Variants in SGCE observed in about 807,000 individuals in gnomAD.
SGCE encodes the protein epsilon-sarcoglycan.
In SGCE, 26 loss-of-function variants were observed where a neutral mutation model predicts 57.8. The observed-to-expected ratio is 0.45, with a 90% CI of 0.33 to 0.62. SGCE has a LOEUF of 0.62. Ranked by LOEUF, SGCE falls within the 20% of genes least tolerant of loss-of-function variation. The probability of loss-of-function intolerance (pLI) is 0.02; values close to 1 mark genes in which losing one functional copy is unlikely to be tolerated. For missense variants in SGCE, 468 were observed against 548.6 expected (o/e 0.85, Z 1.47); for synonymous variants, 183 against 189.5 (o/e 0.97, Z 0.28).
At chr7:94,594,461 T>C (rs1584500900) in intron 9 of SGCE, 1 of 151,992 alleles carries the variant, frequency 6.6e-6, no homozygotes, top group Non-Finnish European at 1.5e-5. Context: ...ACTGTCGAGG[T>C]CATGGGACAC....
intron 6 of SGCE, among the ~76,000 whole-genome samples, chr7:94,601,827 T>A (rs970629424): frequency 6.6e-6 from 1 of 152,144 alleles, no homozygotes; most frequent in Admixed American, 6.6e-5. Context: ...CAACACAGCC[T>A]TGTGCTTATT....
At position 94,598,855 on chromosome 7, in the gene SGCE, G is replaced by T; in HGVS notation, c.1173C>A (p.His391Gln). ...AWPLSTLPVF[H>Q]PVTGEIIPPL... is the part of the protein sequence containing the mutation. Reference sequence around the variant, plus strand: ...GAGGTATGATTTCCCCAGTCACAGGGTGGAACACAGGAAGCGTTGACAGGG... The same window carrying T: ...GAGGTATGATTTCCCCAGTCACAGGTTGGAACACAGGAAGCGTTGACAGGG... Residue 391 changes from histidine (H) to glutamine (Q), a missense_variant, in exon 9 of 11, where the codon CAC becomes CAA. Physicochemically the swap from His to Gln is conservative, Grantham distance 24. Transcript: ENST00000648936. 1 of 1,612,250 alleles carries T rather than the reference G, an allele frequency of 6.2e-7. No homozygotes were observed. Among genetic ancestry groups the T allele is most frequent in the Non-Finnish European group, 8.5e-7 (1 of 1,178,276 alleles).
chr7:94,638,120 A>G (rs975627537), intron 1 of SGCE, among the ~76,000 whole-genome samples: 1 of 152,190 alleles, frequency 6.6e-6, no homozygotes, highest in African/African-American at 2.4e-5. Context: ...GAAAAGAACT[A>G]TGAGATCATG....
At chr7:94,588,839 C>A in intron 9 of SGCE, 107 bp from the exon 10 acceptor site, 1 of 1,230,768 alleles carries the variant, frequency 8.1e-7, no homozygotes, top group South Asian at 1.2e-5. Flanking sequence ...TGACCCCAGT[C>A]ATGTAATCCA....
At chr7:94,638,639 C>CA (rs5885874) in intron 1 of SGCE, among the ~76,000 whole-genome samples, 4,599 of 115,080 alleles carry the variant, frequency 0.04, 101 homozygotes, top group African/African-American at 0.057. Flanking sequence ...ATCATAAAGC[C>CA]AAAAAAAAAA....
In SGCE at chr7:94,600,648, G is replaced by A. The variant is rs1258484610; in HGVS notation, c.1035C>T (p.Gly345=). ...CTTATTAGTTTTAAAGTACTCACAC[G>A]CCTTCCCGTCGGCAGCACATGATAT... is the stretch of plus-strand genomic sequence containing the variant. ...LAYIMCCRRE[G]VEKRNMQTPD... is the part of the protein sequence containing the mutation. Residue 345 remains glycine, a splice_region_variant and synonymous_variant, in exon 7 of 11, where the codon GGC becomes GGT. Coordinates refer to ENST00000648936, the MANE Select transcript of SGCE (RefSeq NM_003919.3). The A allele has an allele frequency of 6.2e-7, 1 of 1,609,292 alleles. No homozygotes were observed. The highest frequency in any genetic ancestry group is 8.5e-7 in the Non-Finnish European group (1 of 1,175,968).
intron 9 of SGCE, among the ~76,000 whole-genome samples, chr7:94,595,820 G>C (rs1798314345): frequency 6.6e-6 from 1 of 151,950 alleles, no homozygotes; most frequent in South Asian, 2.1e-4. Flanking sequence ...TGGCTTATAG[G>C]GAGTTACCAT....
intron 10 of SGCE, among the ~76,000 whole-genome samples, chr7:94,586,075 A>C (rs1013171329): frequency 7.3e-5 from 11 of 150,232 alleles, no homozygotes; most frequent in South Asian, 2.1e-4. Context: ...AAAAAAAAAA[A>C]AAAAAAAAAA....
chr7:94,653,808 ATTC>A (rs1394022536), intron 1 of SGCE, among the ~76,000 whole-genome samples: 2 of 151,966 alleles, frequency 1.3e-5, no homozygotes, highest in Middle Eastern at 3.2e-3. Flanking sequence ...ATGGGAGAAA[ATTC>A]TTCTCAGTTT....
intron 3 of SGCE, chr7:94,627,584 G>T (rs1405304912): frequency 6.6e-6 from 1 of 152,380 alleles, no homozygotes; most frequent in Non-Finnish European, 1.5e-5. Flanking sequence ...ATACCTCTAA[G>T]ATTTTGATGT....
At chr7:94,598,657 G>A in intron 9 of SGCE, 118 bp downstream of exon 9, 1 of 804,662 alleles carries the variant, frequency 1.2e-6, no homozygotes, top group East Asian at 2.5e-5. Context: ...ATGTCCTTTT[G>A]TTATTTTCTC....
At chr7:94,624,188 TG>T in intron 3 of SGCE, 3 of 395,724 alleles carry the variant, frequency 7.6e-6, no homozygotes, top group Non-Finnish European at 1.3e-5. Flanking sequence ...AACAAATGAT[TG>T]TGTCAAAATC....
intron 5 of SGCE, among the ~76,000 whole-genome samples, chr7:94,612,595 A>G (rs1801209749): frequency 6.6e-6 from 1 of 152,198 alleles, no homozygotes; most frequent in Non-Finnish European, 1.5e-5. Flanking sequence ...GAAGTTATAA[A>G]TAATATTACA....
At chr7:94,594,047 C>G (rs1392988800) in intron 9 of SGCE, among the ~76,000 whole-genome samples, 6 of 152,058 alleles carry the variant, frequency 3.9e-5, no homozygotes, top group African/African-American at 1.4e-4. Flanking sequence ...GGTTTGGGAA[C>G]AAGGCTAGAC....
intron 1 of SGCE, among the ~76,000 whole-genome samples, chr7:94,643,082 T>C (rs551025816): frequency 6.6e-6 from 1 of 152,242 alleles, no homozygotes; most frequent in Non-Finnish European, 1.5e-5. Flanking sequence ...CCTTCCTTTA[T>C]TCTAGCTCAG....
intron 1 of SGCE, chr7:94,644,738 T>C: frequency 1.6e-6 from 1 of 630,616 alleles, no homozygotes; most frequent in East Asian, 7.5e-5. Flanking sequence ...ATCCCTTCCC[T>C]TCTCTTACCA....
intron 3 of SGCE, chr7:94,623,876 A>G: frequency 5.6e-6 from 2 of 357,480 alleles, no homozygotes; most frequent in Non-Finnish European, 1.0e-5. Flanking sequence ...AAATGTCATA[A>G]ATAACCCTTT....
chr7:94,643,178 A>G (rs1325051773), intron 1 of SGCE, among the ~76,000 whole-genome samples: 1 of 152,218 alleles, frequency 6.6e-6, no homozygotes, highest in African/African-American at 2.4e-5. Flanking sequence ...TGGGCTATTT[A>G]AAGGATTTAC....
chr7:94,589,636 G>A (rs1349267631), intron 9 of SGCE: 8 of 152,346 alleles, frequency 5.3e-5, no homozygotes, highest in Non-Finnish European at 7.3e-5. Context: ...TCAGACCAGC[G>A]GCAGCAGTAG....
Sources: gnomAD v4.1 joint callset for allele counts (sites outside exome capture counted in the v4.1 genomes callset) on GRCh38, gnomAD v4.1.1 for gene constraint, MANE v1.5 for transcripts, NCBI Gene and HGNC (gene_info 2026-07-23, HGNC 2026-07-21) for gene names.